Variants in PREX1 observed in about 807,000 individuals in gnomAD.
The protein encoded by PREX1 is phosphatidylinositol-3,4,5-trisphosphate dependent Rac exchange factor 1.
A neutral mutation model predicts 198.3 loss-of-function variants in PREX1; 41 were observed. The ratio of observed to expected loss-of-function variants is 0.21; its 90% CI spans 0.16 to 0.27. PREX1 has a LOEUF of 0.27. PREX1 is among the 10% of genes least tolerant of loss of function. The pLI, the probability that PREX1 is intolerant of heterozygous loss-of-function variation, is 1.00. For synonymous variants in PREX1, 843 were observed against 887.2 expected (o/e 0.95, Z 0.89); for missense variants, 1,620 against 2,200.7 (o/e 0.74, Z 5.28).
chr20:48,657,028 T>A lies in PREX1; in HGVS notation c.2123+12A>T, dbSNP rs758095967. 1 of 1,578,130 alleles carries A rather than the reference T, an allele frequency of 6.3e-7. No homozygotes were observed. Among genetic ancestry groups the A allele is most frequent in the Non-Finnish European group, 8.6e-7 (1 of 1,160,998 alleles). ...GGGAGGGCTGCCGGACACCCCGCCC[T>A]GGGACACTCACTCTTTGGCCTTCGT... On this transcript the variant is annotated intron_variant, in intron 18 of 39. Coordinates refer to ENST00000371941, the MANE Select transcript of PREX1 (RefSeq NM_020820.4).
At position 48,724,041 on chromosome 20, in the gene PREX1, AAC is replaced by A. The variant is rs532732682; in HGVS notation, c.621+2247_621+2248del. ...CAGAGAAGAAGGACACTGGCCTCAA[AAC>A]ACAGAGCCACCGACCTTAGACGCCA... is the stretch of plus-strand genomic sequence containing the variant. On this transcript the variant is annotated intron_variant, in intron 5 of 39. Transcript: ENST00000371941. Among the ~76,000 whole-genome samples the A allele has an allele frequency of 1.6e-4, 25 of 152,278 alleles. No individual in the cohort carries two copies. The East Asian group carries it at 4.4e-3, about 27-fold the overall frequency.
At chr20:48,789,072 A>T (rs893402406) in intron 1 of PREX1, among the ~76,000 whole-genome samples, 1 of 152,204 alleles carries the variant, frequency 6.6e-6, no homozygotes, top group African/African-American at 2.4e-5. Flanking sequence ...GCAACAGAAG[A>T]TAGACTAAGA....
At position 48,653,516 on chromosome 20, in the gene PREX1, C is replaced by G; in HGVS notation, c.2210-19G>C. Reference sequence around the variant, plus strand: ...TCAGAGCCTAAGGGGAACAGGAGCACATGAGGCTGGATGCCAGGCAAGTAC... The same window carrying G: ...TCAGAGCCTAAGGGGAACAGGAGCAGATGAGGCTGGATGCCAGGCAAGTAC... On this transcript the variant is annotated intron_variant, in intron 19 of 39. Transcript: ENST00000371941. 6.3e-7 allele frequency: 1 copy of G among 1,594,280 alleles called. No homozygotes were observed. The highest frequency in any genetic ancestry group is 8.6e-7 in the Non-Finnish European group (1 of 1,166,190).
At chr20:48,649,166 A>T in intron 25 of PREX1, 134 bp downstream of exon 25, 1 of 1,278,716 alleles carries the variant, frequency 7.8e-7, no homozygotes, top group South Asian at 1.5e-5. Flanking sequence ...CGAAAAAGAT[A>T]CTGCTAAATA....
chr20:48,651,141 C>A, intron 22 of PREX1, 86 bp from the exon 23 acceptor site: 2 of 1,490,968 alleles, frequency 1.3e-6, no homozygotes, highest in Non-Finnish European at 1.8e-6. Flanking sequence ...CTGTACTACT[C>A]GTAATACCCC....
Position 48,629,533 on chromosome 20 carries a change from C to T in PREX1, c.4682G>A (p.Gly1561Asp), listed in dbSNP as rs372424372. 2 of 1,614,116 alleles carry T rather than the reference C, an allele frequency of 1.2e-6. No homozygotes were observed. The highest frequency in any genetic ancestry group is 2.2e-5 in the East Asian group (1 of 44,874). The change falls in exon 37 of 40, where the codon GGC (glycine) becomes GAC (aspartate). Residue 1561 changes from glycine (G) to aspartate (D), a missense_variant. This residue lies in a region of PREX1 where 476 missense variants were observed against 603.4 expected (regional missense o/e 0.79). Coordinates refer to ENST00000371941, the MANE Select transcript of PREX1 (RefSeq NM_020820.4). ...CGAGGAGATGGGGATGAGGCCGGCG[C>T]CCACACTCCCAGCAGCACCAGGCTT... Reference protein sequence around the residue: ...HPKPGAAGSVGAGLIPISSEL... With the variant: ...HPKPGAAGSVDAGLIPISSEL...
chr20:48,822,922 T>C (rs537038651), intron 1 of PREX1, among the ~76,000 whole-genome samples: 24 of 152,112 alleles, frequency 1.6e-4, no homozygotes, highest in Non-Finnish European at 3.4e-4. Flanking sequence ...ATCAAAGACC[T>C]GCCCCCACCC....
intron 30 of PREX1, among the ~76,000 whole-genome samples, chr20:48,639,327 C>G (rs1012182809): frequency 2.0e-5 from 3 of 152,230 alleles, no homozygotes; most frequent in African/African-American, 7.2e-5. Flanking sequence ...AAGCTGGAAG[C>G]AGAGTCACAG....
chr20:48,679,846 C>A, intron 11 of PREX1, 92 bp from the exon 12 acceptor site: 4 of 938,654 alleles, frequency 4.3e-6, no homozygotes, highest in Non-Finnish European at 5.1e-6. Context: ...GCCAGCCACG[C>A]CCCCTCTGCC....
At chr20:48,816,407 C>T (rs1455569529) in intron 1 of PREX1, among the ~76,000 whole-genome samples, 1 of 152,118 alleles carries the variant, frequency 6.6e-6, no homozygotes, top group Non-Finnish European at 1.5e-5. Context: ...GTCATTGTGA[C>T]TGGTAAATGA....
At chr20:48,696,512 T>A (rs1018824603) in intron 7 of PREX1, among the ~76,000 whole-genome samples, 1 of 152,204 alleles carries the variant, frequency 6.6e-6, no homozygotes, top group Admixed American at 6.5e-5. Context: ...GTAATAACGG[T>A]CCCCTAGCTT....
At position 48,651,642 on chromosome 20, in the gene PREX1, C is replaced by T. The variant is rs1322344172; in HGVS notation, c.2468-59G>A. The T allele has an allele frequency of 1.9e-5, 29 of 1,529,288 alleles. No homozygotes were observed. In the Admixed American group the frequency reaches 2.4e-4, roughly 13 times the overall value. The allele number at this position is 1,529,288 out of a possible 1,614,324, so 94.7% of individuals were successfully genotyped here. A position where few individuals can be genotyped will look rare whatever the true frequency, so the allele number is the denominator to read the frequency against. ...ATCAGAGGGAGGGAGGAAGGCGAGGCGAGGAGGATTCTGGAGGAAGCCTTC... is the reference window on the plus strand; with the variant it reads ...ATCAGAGGGAGGGAGGAAGGCGAGGTGAGGAGGATTCTGGAGGAAGCCTTC... On this transcript the variant is annotated intron_variant, in intron 21 of 39. Transcript: ENST00000371941.
intron 3 of PREX1, among the ~76,000 whole-genome samples, chr20:48,738,926 T>C (rs1179970340): frequency 1.3e-5 from 2 of 152,050 alleles, no homozygotes; most frequent in Non-Finnish European, 2.9e-5. Flanking sequence ...GAGAATCAGG[T>C]CTCAGTTTCT....
upstream of PREX1, among the ~76,000 whole-genome samples, chr20:48,832,278 G>A (rs183798617): frequency 1.8e-4 from 27 of 152,314 alleles, 1 homozygote; most frequent in East Asian, 2.3e-3. Context: ...TTGAGGGGGA[G>A]AAGATTCTGC....
chr20:48,773,807 G>A (rs1378891307), intron 1 of PREX1, among the ~76,000 whole-genome samples: 1 of 152,180 alleles, frequency 6.6e-6, no homozygotes, highest in African/African-American at 2.4e-5. Flanking sequence ...GTTCTGAGCA[G>A]GGGAAGGACA....
intron 3 of PREX1, among the ~76,000 whole-genome samples, chr20:48,741,868 G>A (rs1453669947): frequency 6.6e-6 from 1 of 152,192 alleles, no homozygotes; most frequent in Non-Finnish European, 1.5e-5. Flanking sequence ...GGCTTGCCAT[G>A]TTCTGGAACA....
intron 2 of PREX1, among the ~76,000 whole-genome samples, chr20:48,746,774 T>G (rs1421270328): frequency 6.6e-6 from 1 of 152,174 alleles, no homozygotes; most frequent in East Asian, 1.9e-4. Context: ...AAAGGTAATT[T>G]TTTATAAACT....
At chr20:48,688,963 C>T (rs1379702261) in intron 9 of PREX1, among the ~76,000 whole-genome samples, 159 bp from the exon 10 acceptor site, 1 of 152,238 alleles carries the variant, frequency 6.6e-6, no homozygotes, top group Non-Finnish European at 1.5e-5. Context: ...CTAGAGGGCA[C>T]TGACTGTCGC....
chr20:48,716,588 G>T (rs1176831094), intron 5 of PREX1, among the ~76,000 whole-genome samples: 1 of 152,194 alleles, frequency 6.6e-6, no homozygotes, highest in Non-Finnish European at 1.5e-5. Context: ...AAGGAGAGAG[G>T]AGGATGAGCT....
Sources: allele counts gnomAD v4.1 joint callset (sites outside exome capture counted in the v4.1 genomes callset), GRCh38; gene constraint gnomAD v4.1.1; regional missense constraint gnomAD v4.1.1; transcripts MANE v1.5; gene names NCBI Gene and HGNC (gene_info 2026-07-23, HGNC 2026-07-21).